Variants in TENM3 observed in about 807,000 individuals in gnomAD.
TENM3 encodes teneurin transmembrane protein 3.
A neutral mutation model predicts 255.1 loss-of-function variants in TENM3; 63 were observed. That is an observed-to-expected ratio of 0.25 (90% CI 0.20 to 0.30). The LOEUF is 0.30. Among genes scored for constraint, TENM3 ranks in the 10% least tolerant of loss-of-function variants. The probability of loss-of-function intolerance (pLI) is 1.00; values close to 1 mark genes in which losing one functional copy is unlikely to be tolerated. For missense variants in TENM3, 2,929 were observed against 3,461.1 expected (o/e 0.85, Z 3.86); for synonymous variants, 1,306 against 1,322.3 (o/e 0.99, Z 0.27).
chr4:181,554,252 A>T, the TENM3 span, among the ~76,000 whole-genome samples: 1 of 152,266 alleles, frequency 6.6e-6, no homozygotes. Flanking sequence ...TTGTCTAAGG[A>T]CCCACTGAAA....
chr4:182,770,197 G>T (rs1005143555), intron 22 of TENM3, among the ~76,000 whole-genome samples: 4 of 151,670 alleles, frequency 2.6e-5, no homozygotes, highest in Admixed American at 2.0e-4. Flanking sequence ...CTTATGAAAC[G>T]ATGGGAGTAA....
At chr4:182,306,906 C>A (rs985922730) in intron 1 of TENM3, among the ~76,000 whole-genome samples, 6 of 152,132 alleles carry the variant, frequency 3.9e-5, no homozygotes, top group African/African-American at 1.4e-4. Context: ...ATTTAAAAGG[C>A]CTGCAGGCAT....
intron 3 of TENM3, among the ~76,000 whole-genome samples, chr4:182,417,302 GAAA>G: frequency 6.6e-6 from 1 of 151,924 alleles, no homozygotes; most frequent in African/African-American, 2.4e-5. Context: ...TATGCAGATG[GAAA>G]ACAATAATAG....
At chr4:181,844,532 G>A in the TENM3 span, among the ~76,000 whole-genome samples, 2 of 151,952 alleles carry the variant, frequency 1.3e-5, no homozygotes, top group Non-Finnish European at 2.9e-5. Flanking sequence ...GCCGGGAGTG[G>A]TGGCGGGCGC....
chr4:182,176,677 T>C lies in TENM3; in HGVS notation c.-76+31923T>C, dbSNP rs75495316. Among the ~76,000 whole-genome samples the C allele has an allele frequency of 1.2e-4, 18 of 152,200 alleles. No individual in the cohort carries two copies. The East Asian group carries it at 3.5e-3, about 29-fold the overall frequency. On this transcript the variant is annotated intron_variant, in intron 1 of 2. Coordinates refer to the TENM3 transcript ENST00000512480. ...TTTGGTATACTTTTTTTTCTTTTTT[T>C]GTTTTTTTGAGACGGAGTCTCACTC... is the stretch of plus-strand genomic sequence containing the variant.
intron 12 of TENM3, among the ~76,000 whole-genome samples, chr4:182,712,686 G>A (rs1439787513): frequency 6.6e-6 from 1 of 152,080 alleles, no homozygotes; most frequent in Non-Finnish European, 1.5e-5. Flanking sequence ...TTCCACAGTG[G>A]AGGAGGGGAC....
chr4:182,318,247 T>A (rs1762857735), intron 1 of TENM3, among the ~76,000 whole-genome samples: 1 of 152,214 alleles, frequency 6.6e-6, no homozygotes, highest in Admixed American at 6.5e-5. Flanking sequence ...TATTTCAGTC[T>A]CTACATAGAT....
the TENM3 span, among the ~76,000 whole-genome samples, chr4:181,757,579 A>T: frequency 6.6e-6 from 1 of 152,180 alleles, no homozygotes; most frequent in East Asian, 1.9e-4. Context: ...GAAAGTCCTC[A>T]TGCATGCATT....
At chr4:182,574,301 A>T (rs1274511675) in intron 3 of TENM3, among the ~76,000 whole-genome samples, 3 of 152,084 alleles carry the variant, frequency 2.0e-5, no homozygotes, top group African/African-American at 7.2e-5. Flanking sequence ...TTTATTATTT[A>T]TTATTTATTT....
chr4:182,536,994 A>G (rs559442118), intron 3 of TENM3, among the ~76,000 whole-genome samples: 1 of 152,296 alleles, frequency 6.6e-6, no homozygotes, highest in African/African-American at 2.4e-5. Flanking sequence ...AGATATCGAT[A>G]CACTAGGTAC....
the TENM3 span, among the ~76,000 whole-genome samples, chr4:181,818,332 G>A: frequency 0.056 from 8,539 of 152,058 alleles, 348 homozygotes; most frequent in South Asian, 0.12. Flanking sequence ...CAGTTGGAAG[G>A]CGGTGAAAAC....
At position 182,518,350 on chromosome 4, in the gene TENM3, T is replaced by C. The variant is rs370862980; in HGVS notation, c.512-82574T>C. Among the ~76,000 whole-genome samples the C allele has an allele frequency of 3.9e-5, 6 of 152,044 alleles. No individual in the cohort carries two copies. In the East Asian group the frequency reaches 7.7e-4, roughly 20 times the overall value. Reference sequence around the variant, plus strand: ...TGAATATGATGGAATATCACTCCAGTGAGTATCTTATGTTATATGGGAAAG... The same window carrying C: ...TGAATATGATGGAATATCACTCCAGCGAGTATCTTATGTTATATGGGAAAG... On this transcript the variant is annotated intron_variant, in intron 3 of 27. Transcript: ENST00000511685.
At chr4:181,450,545 A>G in the TENM3 span, among the ~76,000 whole-genome samples, 20,026 of 152,148 alleles carry the variant, frequency 0.13, 1,494 homozygotes, top group East Asian at 0.28. Flanking sequence ...ACAAGGAGAA[A>G]CGTGTGGCCA....
chr4:181,747,676 C>G, the TENM3 span, among the ~76,000 whole-genome samples: 1 of 151,712 alleles, frequency 6.6e-6, no homozygotes, highest in East Asian at 1.9e-4. Context: ...TTGTTACATT[C>G]CTGCTTAATT....
the TENM3 span, among the ~76,000 whole-genome samples, chr4:181,990,616 C>T: frequency 2.0e-5 from 3 of 152,010 alleles, no homozygotes; most frequent in African/African-American, 7.2e-5. Flanking sequence ...GTATAAAGTC[C>T]CACTAAGCTG....
chr4:181,605,523 AAAG>A, the TENM3 span, among the ~76,000 whole-genome samples: 1 of 22,190 alleles, frequency 4.5e-5, no homozygotes, highest in African/African-American at 9.9e-5. Flanking sequence ...AGAAAGAAAG[AAAG>A]AAAGAAAGAA....
intron 22 of TENM3, among the ~76,000 whole-genome samples, chr4:182,764,675 G>A (rs911732771): frequency 3.9e-5 from 6 of 152,152 alleles, no homozygotes; most frequent in Non-Finnish European, 8.8e-5. Context: ...CAGAATGACA[G>A]GAGCATCGAA....
intron 19 of TENM3, chr4:182,744,093 C>CTTTTTTTTTTTTTTTTTTTTTTTTTTT (rs957977132): frequency 1.5e-5 from 6 of 389,972 alleles, no homozygotes; most frequent in African/African-American, 3.2e-5. Flanking sequence ...ACTGTGCTTT[C>CTTTTTTTTTTTTTTTTTTTTTTTTTTT]TTTTTTTTTT....
chr4:181,883,126 C>CTTTTTTTTTTTTTTTTTTTTTTT, the TENM3 span, among the ~76,000 whole-genome samples: 9 of 106,686 alleles, frequency 8.4e-5, 1 homozygote, highest in African/African-American at 1.1e-4. Flanking sequence ...TGCAATTAAT[C>CTTTTTTTTTTTTTTTTTTTTTTT]TTTTTTTTTT....
Sources: gnomAD v4.1 joint callset for allele counts (sites outside exome capture counted in the v4.1 genomes callset) on GRCh38, gnomAD v4.1.1 for gene constraint, MANE v1.5 for transcripts, NCBI Gene and HGNC (gene_info 2026-07-23, HGNC 2026-07-21) for gene names.